Variants in MBOAT1 observed in about 807,000 individuals in gnomAD.
MBOAT1 encodes the protein membrane-bound glycerophospholipid O-acyltransferase 1.
In MBOAT1, 67 loss-of-function variants were observed where a neutral mutation model predicts 64.4. The ratio of observed to expected loss-of-function variants is 1.04; its 90% CI spans 0.85 to 1.27. The LOEUF (loss-of-function observed/expected upper bound fraction) is 1.27, where lower values mean the gene tolerates loss of function less well. Ranked by LOEUF, MBOAT1 falls within the 50% of genes most tolerant of loss-of-function variation. The pLI is 0.00. For missense variants in MBOAT1, 563 were observed against 604.6 expected (o/e 0.93, Z 0.72); for synonymous variants, 229 against 218.9 (o/e 1.05, Z -0.41).
chr6:20,162,812 C>T (rs1448165998), intron 1 of MBOAT1, among the ~76,000 whole-genome samples: 2 of 152,178 alleles, frequency 1.3e-5, no homozygotes, highest in Admixed American at 6.5e-5. Flanking sequence ...GCTGAAAGTC[C>T]TTTCCAACAA....
intron 3 of MBOAT1, among the ~76,000 whole-genome samples, chr6:20,146,026 C>T (rs1382684257): frequency 6.6e-6 from 1 of 152,198 alleles, no homozygotes; most frequent in East Asian, 1.9e-4. Context: ...CTCATTGTGA[C>T]CTTGAACGTC....
chr6:20,211,254 G>A (rs1235856586), intron 1 of MBOAT1, among the ~76,000 whole-genome samples: 1 of 152,180 alleles, frequency 6.6e-6, no homozygotes, highest in Non-Finnish European at 1.5e-5. Flanking sequence ...GTGAGAGGAA[G>A]GGGAAGAAAA....
chr6:20,199,175 C>T (rs1356715502), intron 1 of MBOAT1, among the ~76,000 whole-genome samples: 2 of 152,324 alleles, frequency 1.3e-5, no homozygotes, highest in East Asian at 1.9e-4. Context: ...CAGCCTACTC[C>T]GGCTTGGGAG....
chr6:20,114,676 A>G (rs1760268238), intron 10 of MBOAT1, among the ~76,000 whole-genome samples: 1 of 152,132 alleles, frequency 6.6e-6, no homozygotes, highest in Admixed American at 6.5e-5. Flanking sequence ...TGAGGTCAGG[A>G]GTTCGAGATC....
chr6:20,184,533 C>A (rs1373525600), intron 1 of MBOAT1, among the ~76,000 whole-genome samples: 2 of 152,094 alleles, frequency 1.3e-5, no homozygotes, highest in Non-Finnish European at 2.9e-5. Context: ...TGAAGGATGA[C>A]AAGCCCCTGT....
intron 1 of MBOAT1, among the ~76,000 whole-genome samples, chr6:20,195,101 T>C (rs1473438254): frequency 6.6e-6 from 1 of 152,032 alleles, no homozygotes; most frequent in Non-Finnish European, 1.5e-5. Context: ...CATAGGCATA[T>C]GCCACCATGC....
intron 1 of MBOAT1, among the ~76,000 whole-genome samples, chr6:20,163,601 G>A (rs1391719895): frequency 6.6e-6 from 1 of 152,090 alleles, no homozygotes; most frequent in Admixed American, 6.6e-5. Context: ...AGGGAGTCTG[G>A]TTCTACTCAG....
In MBOAT1 at chr6:20,099,751, C is replaced by T. The variant is rs907705685; in HGVS notation, c.*2535G>A. Among the ~76,000 whole-genome samples, 2 of 151,852 alleles carry T rather than the reference C, an allele frequency of 1.3e-5. No individual in the cohort carries two copies. Among genetic ancestry groups the T allele is most frequent in the Non-Finnish European group, 2.9e-5 (2 of 68,004 alleles). ...TTATTTTCAACTGAAAGCTCACATT[C>T]CAATAAGTATTTATGAACTGCATCT... is the stretch of plus-strand genomic sequence containing the variant. On this transcript the variant is annotated 3_prime_UTR_variant, in exon 13 of 13. Transcript: ENST00000324607.
rs1391838258 is a variant in MBOAT1, at chr6:20,100,211, C to T, written c.*2075G>A. On this transcript the variant is annotated 3_prime_UTR_variant, in exon 13 of 13. Coordinates refer to ENST00000324607, the MANE Select transcript of MBOAT1 (RefSeq NM_001080480.3). ...ATACTTACATTACATACAGTGAAAC[C>T]TGATCATCAATCACATTGTAAATTC... Among the ~76,000 whole-genome samples, 3 of 152,230 alleles carry T rather than the reference C, an allele frequency of 2.0e-5. No individual in the cohort carries two copies. The highest frequency in any genetic ancestry group is 7.2e-5 in the African/African-American group (3 of 41,458).
At chr6:20,122,774 T>C (rs998864733) in intron 8 of MBOAT1, among the ~76,000 whole-genome samples, 10 of 152,072 alleles carry the variant, frequency 6.6e-5, no homozygotes, top group Non-Finnish European at 1.0e-4. Context: ...ACCACTGAAG[T>C]GTACCCTCAA....
intron 8 of MBOAT1, among the ~76,000 whole-genome samples, chr6:20,120,817 G>A (rs1312158796): frequency 6.6e-6 from 1 of 152,190 alleles, no homozygotes; most frequent in East Asian, 1.9e-4. Context: ...ACCACACTGA[G>A]CCGATATCGG....
At chr6:20,208,447 A>AAAAAAAAAAAAAAAG (rs2113780063) in intron 1 of MBOAT1, among the ~76,000 whole-genome samples, 1 of 148,874 alleles carries the variant, frequency 6.7e-6, no homozygotes, top group African/African-American at 2.4e-5. Context: ...CTCTGTCTCA[A>AAAAAAAAAAAAAAAG]AAAAAAAAAG....
In MBOAT1 at chr6:20,118,541, C is replaced by G; in HGVS notation, c.908-1G>C. 4 of 1,612,374 alleles carry G rather than the reference C, an allele frequency of 2.5e-6. No homozygotes were observed. Among genetic ancestry groups the G allele is most frequent in the Non-Finnish European group, 3.4e-6 (4 of 1,179,084 alleles). On this transcript the variant is annotated splice_acceptor_variant, in intron 8 of 12. Transcript: ENST00000324607. LOFTEE classifies it high-confidence loss of function. ...CCAGCTGCGTTATTCACTGCATCAG[C>G]TATGGTTTTTAAAGTAACACATTAG...
rs960315450 is a variant in MBOAT1 at position 20,123,917 on chromosome 6, G to A, written c.907+491C>T. Among the ~76,000 whole-genome samples the A allele has an allele frequency of 4.5e-4, 69 of 152,228 alleles. 1 individual carries two copies. The highest frequency in any genetic ancestry group is 8.8e-5 in the Non-Finnish European group (6 of 67,996). ...TAAAAATACAAAAAAAATTAGCTGG[G>A]TGTGGTGGCGGACGCCTGTAGTCCC... On this transcript the variant is annotated intron_variant, in intron 8 of 12. Coordinates refer to ENST00000324607, the MANE Select transcript of MBOAT1 (RefSeq NM_001080480.3).
intron 1 of MBOAT1, among the ~76,000 whole-genome samples, chr6:20,153,646 C>T (rs1175238789): frequency 6.6e-6 from 1 of 152,122 alleles, no homozygotes; most frequent in Non-Finnish European, 1.5e-5. Context: ...GAGCATTTCT[C>T]AAATTCAAGG....
At position 20,109,663 on chromosome 6, in the gene MBOAT1, C is replaced by G. The variant is rs770685601; in HGVS notation, c.1296G>C (p.Leu432=). ...AGGGTGCTACCGTGTAAGAGACAGC[C>G]AGCTGAGTGACGGCCCAGGTGCCTG... is the stretch of plus-strand genomic sequence containing the variant. ...YDAGTWAVTQ[L]AVSYTVAPFV... The change falls in exon 12 of 13, where the codon CTG becomes CTC. Residue 432 remains leucine (L), a synonymous_variant. Transcript: ENST00000324607. 4 of 1,614,158 alleles carry G rather than the reference C, an allele frequency of 2.5e-6. 1 individual carries two copies. In the South Asian group the frequency reaches 4.4e-5, roughly 18 times the overall value.
intron 1 of MBOAT1, among the ~76,000 whole-genome samples, chr6:20,158,611 A>C (rs756668737): frequency 3.3e-5 from 5 of 152,224 alleles, no homozygotes; most frequent in Non-Finnish European, 7.3e-5. Flanking sequence ...CTGTGCAATA[A>C]AGGAAAAAAT....
intron 8 of MBOAT1, among the ~76,000 whole-genome samples, chr6:20,121,773 A>G (rs1426965955): frequency 6.6e-6 from 1 of 152,098 alleles, no homozygotes; most frequent in Non-Finnish European, 1.5e-5. Context: ...AGGCAGCAGA[A>G]GATAGTAGGA....
At chr6:20,178,058 T>G (rs535900679) in intron 1 of MBOAT1, among the ~76,000 whole-genome samples, 165 of 152,296 alleles carry the variant, frequency 1.1e-3, no homozygotes, top group African/African-American at 3.8e-3. Context: ...CAGTGCTCTA[T>G]TCTAACATTA....
Sources: allele counts gnomAD v4.1 joint callset (sites outside exome capture counted in the v4.1 genomes callset), GRCh38; gene constraint gnomAD v4.1.1; transcripts MANE v1.5; gene names NCBI Gene and HGNC (gene_info 2026-07-23, HGNC 2026-07-21).